Variants in MYO1E observed in about 807,000 individuals in gnomAD.
The protein encoded by MYO1E is unconventional myosin-Ie.
MYO1E carries 68 observed loss-of-function variants against 151.1 expected under a neutral mutation model. That is an observed-to-expected ratio of 0.45 (90% CI 0.37 to 0.55). MYO1E has a LOEUF of 0.55. MYO1E is among the 20% of genes least tolerant of loss of function. The pLI, the probability that MYO1E is intolerant of heterozygous loss-of-function variation, is 0.00. For missense variants in MYO1E, 1,363 were observed against 1,389.3 expected (o/e 0.98, Z 0.30); for synonymous variants, 601 against 501.7 (o/e 1.20, Z -2.64).
chr15:59,229,120 C>T (rs561255917), intron 6 of MYO1E, among the ~76,000 whole-genome samples: 1 of 152,322 alleles, frequency 6.6e-6, no homozygotes, highest in South Asian at 2.1e-4. Flanking sequence ...GGGAATACTT[C>T]AGTGCCTGTC....
intron 1 of MYO1E, among the ~76,000 whole-genome samples, chr15:59,320,983 G>A (rs2080622201): frequency 6.6e-6 from 1 of 151,592 alleles, no homozygotes; most frequent in South Asian, 2.1e-4. Context: ...TTTAACAATT[G>A]AACAAGCAAA....
intron 5 of MYO1E, among the ~76,000 whole-genome samples, chr15:59,235,110 G>C (rs989520471): frequency 4.0e-5 from 6 of 151,602 alleles, no homozygotes; most frequent in African/African-American, 1.5e-4. Flanking sequence ...CTCATTCTCT[G>C]GATCTTTTCT....
At chr15:59,266,760 C>T (rs1278554033) in intron 2 of MYO1E, 19 of 148,906 alleles carry the variant, frequency 1.3e-4, no homozygotes, top group African/African-American at 3.9e-4. Flanking sequence ...CTCCCAGGTT[C>T]ACACCATTCT....
At chr15:59,297,862 A>G (rs1337450658) in intron 1 of MYO1E, among the ~76,000 whole-genome samples, 1 of 152,148 alleles carries the variant, frequency 6.6e-6, no homozygotes, top group Non-Finnish European at 1.5e-5. Context: ...GATTACAGGC[A>G]TGAGTTTTCC....
intron 17 of MYO1E, among the ~76,000 whole-genome samples, chr15:59,194,920 C>G (rs1221054821): frequency 6.6e-6 from 1 of 152,186 alleles, no homozygotes; most frequent in Non-Finnish European, 1.5e-5. Context: ...TCTGCATTTC[C>G]CTTTGACATC....
intron 1 of MYO1E, among the ~76,000 whole-genome samples, chr15:59,300,680 C>A (rs2080476804): frequency 6.6e-6 from 1 of 152,004 alleles, no homozygotes; most frequent in Non-Finnish European, 1.5e-5. Context: ...CCGGGGTTCC[C>A]ATTAAAAAAG....
intron 16 of MYO1E, among the ~76,000 whole-genome samples, chr15:59,200,663 C>T (rs962839481): frequency 1.3e-5 from 2 of 152,000 alleles, no homozygotes; most frequent in African/African-American, 2.4e-5. Context: ...CCAACAACGG[C>T]GATACAGGAA....
At chr15:59,253,536 C>T (rs1412921352) in intron 4 of MYO1E, among the ~76,000 whole-genome samples, 2 of 138,418 alleles carry the variant, frequency 1.4e-5, no homozygotes, top group Non-Finnish European at 3.0e-5. Flanking sequence ...GGCTTGAGTG[C>T]AGTGGCGCAA....
chr15:59,330,770 A>AT (rs1329658275), intron 1 of MYO1E, among the ~76,000 whole-genome samples: 1 of 151,974 alleles, frequency 6.6e-6, no homozygotes, highest in Non-Finnish European at 1.5e-5. Flanking sequence ...ATTTTTATTT[A>AT]TTTGTGTTGG....
At chr15:59,258,771 C>T (rs1005548499) in intron 3 of MYO1E, among the ~76,000 whole-genome samples, 5 of 151,606 alleles carry the variant, frequency 3.3e-5, no homozygotes, top group East Asian at 1.9e-4. Context: ...GTCGGGGGAT[C>T]GCTTGAGTCC....
At chr15:59,334,956 G>A (rs2080719605) in intron 1 of MYO1E, among the ~76,000 whole-genome samples, 1 of 152,148 alleles carries the variant, frequency 6.6e-6, no homozygotes, top group African/African-American at 2.4e-5. Context: ...GCAGACAAAG[G>A]AAGCCTATTT....
At chr15:59,245,160 G>A (rs2080122243) in intron 4 of MYO1E, among the ~76,000 whole-genome samples, 1 of 152,186 alleles carries the variant, frequency 6.6e-6, no homozygotes, top group African/African-American at 2.4e-5. Context: ...GGAGAGCCCT[G>A]AAAAGCGTCC....
chr15:59,223,658 T>A (rs2079970138), intron 8 of MYO1E, among the ~76,000 whole-genome samples: 1 of 152,180 alleles, frequency 6.6e-6, no homozygotes, highest in Non-Finnish European at 1.5e-5. Flanking sequence ...TCGAGATCTT[T>A]CCCTTCATCA....
intron 17 of MYO1E, among the ~76,000 whole-genome samples, chr15:59,194,946 G>A (rs1301321257): frequency 6.6e-6 from 1 of 152,132 alleles, no homozygotes; most frequent in Non-Finnish European, 1.5e-5. Context: ...TCCCAGAGTC[G>A]TTCTTCTCAT....
intron 1 of MYO1E, among the ~76,000 whole-genome samples, chr15:59,274,825 A>G (rs1035141318): frequency 5.3e-5 from 8 of 152,190 alleles, no homozygotes; most frequent in Non-Finnish European, 1.5e-5. Flanking sequence ...TTCCTAGCAG[A>G]AAAGCACTCA....
rs1350975410 is a variant in MYO1E, at chr15:59,149,537, T to C, written c.3080+4053A>G. On this transcript the variant is annotated intron_variant, in intron 26 of 27. Coordinates refer to ENST00000288235, the MANE Select transcript of MYO1E (RefSeq NM_004998.4). Reference sequence around the variant, plus strand: ...TAATGATAGCTACCATGTGCACCAATACTGCAATGAAAGGGTAAAGAATCC... The same window carrying C: ...TAATGATAGCTACCATGTGCACCAACACTGCAATGAAAGGGTAAAGAATCC... 2.0e-5 allele frequency among the ~76,000 whole-genome samples: 3 copies of C among 152,202 alleles called. No individual in the cohort carries two copies. In the East Asian group the frequency reaches 5.8e-4, roughly 29 times the overall value.
chr15:59,146,402 G>A (rs992474048), intron 26 of MYO1E, among the ~76,000 whole-genome samples: 1 of 152,034 alleles, frequency 6.6e-6, no homozygotes, highest in Non-Finnish European at 1.5e-5. Flanking sequence ...TGCAGCCTCC[G>A]CCTCCCAGAT....
chr15:59,188,197 A>G lies in MYO1E; in HGVS notation c.1825T>C (p.Tyr609His). The G allele has an allele frequency of 6.2e-7, 1 of 1,614,040 alleles. No individual in the cohort carries two copies. Residue 609 changes from tyrosine to histidine, a missense_variant, in exon 18 of 28, where the codon TAT becomes CAT. Physicochemically the swap from Tyr to His is moderately conservative, Grantham distance 83 (BLOSUM62 2). Transcript: ENST00000288235. ...EESRVKHQVE[Y>H]LGLKENIRVR... Reference sequence around the variant, plus strand: ...CGAATGTTCTCTTTCAGACCCAAATATTCGACTTGATGCTTTACCCTGTGC... The same window carrying G: ...CGAATGTTCTCTTTCAGACCCAAATGTTCGACTTGATGCTTTACCCTGTGC...
At chr15:59,148,161 T>C (rs2079453292) in intron 26 of MYO1E, among the ~76,000 whole-genome samples, 1 of 152,186 alleles carries the variant, frequency 6.6e-6, no homozygotes, top group South Asian at 2.1e-4. Flanking sequence ...GTATCCCTAT[T>C]ATACAGGTGA....
Sources: allele counts gnomAD v4.1 joint callset (sites outside exome capture counted in the v4.1 genomes callset), GRCh38; gene constraint gnomAD v4.1.1; transcripts MANE v1.5; gene names NCBI Gene and HGNC (gene_info 2026-07-23, HGNC 2026-07-21).